Variants in RRP7A observed in about 807,000 individuals in gnomAD.
RRP7A encodes ribosomal RNA-processing protein 7 homolog A.
In RRP7A, 27 loss-of-function variants were observed where a neutral mutation model predicts 38.4. The ratio of observed to expected loss-of-function variants is 0.70; its 90% CI spans 0.52 to 0.97. RRP7A has a LOEUF of 0.97. Among genes scored for constraint, RRP7A ranks in the 50% least tolerant of loss-of-function variants. RRP7A has a pLI of 0.00. For synonymous variants in RRP7A, 124 were observed against 150.3 expected (o/e 0.83, Z 1.28); for missense variants, 327 against 375.4 (o/e 0.87, Z 1.07).
chr22:42,512,852 C>A lies in RRP7A; in HGVS notation c.*58G>T. 4 of 1,549,874 alleles carry A rather than the reference C, an allele frequency of 2.6e-6. No homozygotes were observed. Among genetic ancestry groups the A allele is most frequent in the Non-Finnish European group, 3.5e-6 (4 of 1,129,602 alleles). On this transcript the variant is annotated 3_prime_UTR_variant, in exon 7 of 7. Transcript: ENST00000323013. Reference sequence around the variant, plus strand: ...TCGGCCTCTCAGAGACCGCTGCAGGCCCTGCCTCGCCTCCTCCTGGCCCTG... The same window carrying A: ...TCGGCCTCTCAGAGACCGCTGCAGGACCTGCCTCGCCTCCTCCTGGCCCTG...
intron 6 of RRP7A, 92 bp downstream of exon 6, chr22:42,514,014 C>T (rs1395158267): frequency 4.4e-6 from 5 of 1,135,908 alleles, no homozygotes; most frequent in Non-Finnish European, 6.4e-6. Context: ...ACCACCAAGT[C>T]CAGCGCCCGC....
At chr22:42,519,584 G>A (rs1238086787) in intron 1 of RRP7A, 130 bp downstream of exon 1, 14 of 764,706 alleles carry the variant, frequency 1.8e-5, no homozygotes, top group South Asian at 2.7e-5. Flanking sequence ...TGCGGAGCCT[G>A]GGGCCACGGG....
chr22:42,519,538 C>G (rs1020355659), intron 1 of RRP7A, among the ~76,000 whole-genome samples, 176 bp downstream of exon 1: 1 of 152,118 alleles, frequency 6.6e-6, no homozygotes, highest in Non-Finnish European at 1.5e-5. Context: ...CAGAAGGGCG[C>G]CGCCTGGGTC....
At chr22:42,518,414 C>T (rs1255630476) in intron 1 of RRP7A, among the ~76,000 whole-genome samples, 1 of 151,458 alleles carries the variant, frequency 6.6e-6, no homozygotes, top group Non-Finnish European at 1.5e-5. Flanking sequence ...GAGAGGGAAG[C>T]TCGAACCCTG....
chr22:42,516,076 TCTC>T lies in RRP7A; in HGVS notation c.274_276del (p.Glu92del), dbSNP rs779589853. The T allele has an allele frequency of 2.5e-6, 4 of 1,613,468 alleles. No homozygotes were observed. In the East Asian group the frequency reaches 6.7e-5, roughly 27 times the overall value. On this transcript the variant is annotated inframe_deletion, in exon 3 of 7. Coordinates refer to ENST00000323013, the MANE Select transcript of RRP7A (RefSeq NM_015703.5). ...TTTGGGCTCTCAGCCAGGTCCGGCT[TCTC>T]CTGCAACTCTACAGACTGGACGAGG...
Position 42,512,627 on chromosome 22 carries a change from G to C in RRP7A, c.*283C>G, listed in dbSNP as rs1932503398. ...TTGAGGGAAAAGGAAGCACAGAACG[G>C]ATTCATCCAGGGTCCTGGAGAGGAG... On this transcript the variant is annotated 3_prime_UTR_variant, in exon 7 of 7. Coordinates refer to ENST00000323013, the MANE Select transcript of RRP7A (RefSeq NM_015703.5). 5.2e-6 allele frequency: 3 copies of C among 574,658 alleles called. No homozygotes were observed. The highest frequency in any genetic ancestry group is 6.1e-5 in the Admixed American group (2 of 32,726). The allele number at this position is 574,658 out of a possible 1,614,324, so 35.6% of individuals were successfully genotyped here.
Position 42,519,721 on chromosome 22 carries a change from GC to G in RRP7A, c.65del (p.Gly22AlafsTer21). 1 of 1,459,944 alleles carries G rather than the reference GC, an allele frequency of 6.8e-7. No individual in the cohort carries two copies. 90.4% of individuals were successfully genotyped at this position (1,459,944 alleles called of 1,614,324 possible). A position where few individuals can be genotyped will look rare whatever the true frequency, so the allele number is the denominator to read the frequency against. On this transcript the variant is annotated frameshift_variant, in exon 1 of 7. Coordinates refer to ENST00000323013, the MANE Select transcript of RRP7A (RefSeq NM_015703.5). LOFTEE classifies it high-confidence loss of function. ...CGTCCCGGAGCCCCTCACCTGCGTAGCCCAGTGGGCTGGGGATACGGTCCTC... is the reference window on the plus strand; with the variant it reads ...CGTCCCGGAGCCCCTCACCTGCGTAGCCAGTGGGCTGGGGATACGGTCCTC... ...DPEDRIPSPL[G>X]YAAIPIKFSE...
At chr22:42,519,683 G>A (rs1569262235) in intron 1 of RRP7A, 31 bp downstream of exon 1, 4 of 1,434,278 alleles carry the variant, frequency 2.8e-6, no homozygotes, top group South Asian at 2.8e-5. Context: ...ATGCCTGACC[G>A]CCCCCGGTCT....
At position 42,517,311 on chromosome 22, in the gene RRP7A, A is replaced by AAATG. The variant is rs1920932948; in HGVS notation, c.216+693_216+694insCATT. Among the ~76,000 whole-genome samples, 3 of 149,292 alleles carry AAATG rather than the reference A, an allele frequency of 2.0e-5. No homozygotes were observed. In the South Asian group the frequency reaches 6.3e-4, roughly 32 times the overall value. ...AAATTAAATAAATAAATAAATAAATAAATCCAGCAATTCCCTTAGCTTAGT... is the reference window on the plus strand; with the variant it reads ...AAATTAAATAAATAAATAAATAAATAAATGAATCCAGCAATTCCCTTAGCTTAGT... On this transcript the variant is annotated intron_variant, in intron 2 of 6. Transcript: ENST00000323013.
intron 6 of RRP7A, 57 bp downstream of exon 6, chr22:42,514,049 T>C (rs1920923860): frequency 1.3e-6 from 2 of 1,519,250 alleles, no homozygotes; most frequent in South Asian, 2.3e-5. Flanking sequence ...GCCACAGGCC[T>C]CATCCGTGGC....
intron 3 of RRP7A, 93 bp downstream of exon 3, chr22:42,515,918 A>C: frequency 7.0e-7 from 1 of 1,436,548 alleles, no homozygotes; most frequent in Non-Finnish European, 9.4e-7. Flanking sequence ...GGACCAGAGA[A>C]TGCTCTGATG....
rs914229689 is a variant in RRP7A, at chr22:42,512,829, G to A, written c.*81C>T. 37 of 1,439,264 alleles carry A rather than the reference G, an allele frequency of 2.6e-5. No individual in the cohort carries two copies. Among genetic ancestry groups the A allele is most frequent in the South Asian group, 8.2e-5 (7 of 85,046 alleles). 89.2% of individuals were successfully genotyped at this position (1,439,264 alleles called of 1,614,324 possible). On this transcript the variant is annotated 3_prime_UTR_variant, in exon 7 of 7. Transcript: ENST00000323013. Reference sequence around the variant, plus strand: ...ACCTGGGGCCCGTTGGCCAGAGCTCGGCCTCTCAGAGACCGCTGCAGGCCC... The same window carrying A: ...ACCTGGGGCCCGTTGGCCAGAGCTCAGCCTCTCAGAGACCGCTGCAGGCCC...
chr22:42,509,965 T>G lies in RRP7A; in HGVS notation c.*2945A>C, dbSNP rs985823919. ...TATTAAAAACCACGGGATTGTAGAC[T>G]TTTTTTTTTTTTTTTTTGAGATGGA... On this transcript the variant is annotated 3_prime_UTR_variant, in exon 7 of 7. Transcript: ENST00000323013. 1.5e-4 allele frequency: 3 copies of G among 20,132 alleles called. No individual in the cohort carries two copies. Among genetic ancestry groups the G allele is most frequent in the African/African-American group, 5.7e-4 (3 of 5,240 alleles). The allele number at this position is 20,132 out of a possible 1,614,324, so 1.2% of individuals were successfully genotyped here.
chr22:42,517,034 T>C (rs899458550), intron 2 of RRP7A, among the ~76,000 whole-genome samples: 2 of 151,998 alleles, frequency 1.3e-5, no homozygotes, highest in African/African-American at 2.4e-5. Context: ...TCCCAGCACG[T>C]TGGGAGGCTG....
intron 3 of RRP7A, 78 bp from the exon 4 acceptor site, chr22:42,515,346 A>G: frequency 5.5e-6 from 4 of 731,876 alleles, no homozygotes; most frequent in Non-Finnish European, 9.6e-6. Flanking sequence ...CCCTCAGCCT[A>G]GGTGGTAGCT....
rs374820540 is a variant in RRP7A, at chr22:42,514,643, G to A, written c.558+39C>T. 1.1e-4 allele frequency: 177 copies of A among 1,558,618 alleles called. No individual in the cohort carries two copies. In the African/African-American group the frequency reaches 1.8e-3, roughly 16 times the overall value. On this transcript the variant is annotated intron_variant, in intron 5 of 6. Coordinates refer to ENST00000323013, the MANE Select transcript of RRP7A (RefSeq NM_015703.5). The stretch of plus-strand genomic sequence containing the variant: ...GGGCGCCACCTTCCCACAGCCACAC[G>A]GGCGATGCGGGGCTCGGCCGACCCC...
chr22:42,512,052 C>G lies in RRP7A; in HGVS notation c.*858G>C, dbSNP rs201097649. On this transcript the variant is annotated 3_prime_UTR_variant, in exon 7 of 7. Transcript: ENST00000323013. ...GAATGCTGTGGGAGGGCCCTGACCC[C>G]GGGGCCCATGGAGCTCCCTAGGCTC... is the stretch of plus-strand genomic sequence containing the variant. 1.6e-6 allele frequency: 2 copies of G among 1,251,942 alleles called. No individual in the cohort carries two copies. The highest frequency in any genetic ancestry group is 4.6e-5 in the East Asian group (2 of 43,398). 77.6% of individuals were successfully genotyped at this position (1,251,942 alleles called of 1,614,324 possible).
chr22:42,513,290 CAG>C (rs968855860), intron 6 of RRP7A, among the ~76,000 whole-genome samples: 3 of 131,358 alleles, frequency 2.3e-5, no homozygotes, highest in South Asian at 2.4e-4. Flanking sequence ...CATCCCTGCA[CAG>C]GGGGAAGGAA....
intron 1 of RRP7A, 33 bp from the exon 2 acceptor site, chr22:42,518,180 G>C (rs747169385): frequency 2.8e-5 from 44 of 1,587,010 alleles, no homozygotes; most frequent in South Asian, 3.3e-5. Flanking sequence ...GGGATGGCCA[G>C]GCTACCCTGA....
Sources: allele counts gnomAD v4.1 joint callset (sites outside exome capture counted in the v4.1 genomes callset), GRCh38; gene constraint gnomAD v4.1.1; transcripts MANE v1.5; gene names NCBI Gene and HGNC (gene_info 2026-07-23, HGNC 2026-07-21).